The following TICAM2 variants were observed in gnomAD, a reference collection of about 807,000 sequenced individuals.
TICAM2 encodes the protein TIR domain containing adaptor molecule 2, also known as TIR domain-containing adapter molecule 2.
A neutral mutation model predicts 7.3 loss-of-function variants in TICAM2; 8 were observed. That is an observed-to-expected ratio of 1.10 (90% CI 0.65 to 1.99). The LOEUF (loss-of-function observed/expected upper bound fraction) is 1.99, where lower values mean the gene tolerates loss of function less well. Among genes scored for constraint, TICAM2 ranks in the 30% most tolerant of loss-of-function variants. The probability of loss-of-function intolerance (pLI) is 0.00; values close to 1 mark genes in which losing one functional copy is unlikely to be tolerated. For synonymous variants in TICAM2, 113 were observed against 99.6 expected, an observed-to-expected ratio of 1.13 and a Z score of -0.80; for missense variants, 304 against 278.8, an observed-to-expected ratio of 1.09 and a Z score of -0.65.
rs1233375877 is a variant in TICAM2, at chr5:115,593,230, T to TA, written c.-60+8866dup. Among the ~76,000 whole-genome samples, 17 of 152,320 alleles carry TA rather than the reference T, an allele frequency of 1.1e-4. No homozygotes were observed. The East Asian group carries it at 3.3e-3, about 29-fold the overall frequency. ...GATAAAATTCAACATCCATTCATTA[T>TA]AAAAACTCTTAGCAAACTGGAAATA... On this transcript the variant is annotated intron_variant, in intron 1 of 1. Coordinates refer to ENST00000427199, the MANE Select transcript of TICAM2 (RefSeq NM_021649.7).
rs1755802147 is a variant in TICAM2, at chr5:115,602,373, C to A, written c.-336G>T. 6.6e-6 allele frequency: 1 copy of A among 152,492 alleles called. No individual in the cohort carries two copies. The highest frequency in any genetic ancestry group is 6.5e-5 in the Admixed American group (1 of 15,290). 9.4% of individuals were successfully genotyped at this position (152,492 alleles called of 1,614,324 possible). Reference sequence around the variant, plus strand: ...CTGCTGTTGGCGCCCACCCCGCCGCCCCCGAGGGGCCGCTCGAGGCCGGAC... The same window carrying A: ...CTGCTGTTGGCGCCCACCCCGCCGCACCCGAGGGGCCGCTCGAGGCCGGAC... On this transcript the variant is annotated 5_prime_UTR_variant, in exon 1 of 2. Coordinates refer to ENST00000427199, the MANE Select transcript of TICAM2 (RefSeq NM_021649.7).
Position 115,602,378 on chromosome 5 carries a change from AG to A in TICAM2, c.-342del, listed in dbSNP as rs1053531007. ...GTTGGCGCCCACCCCGCCGCCCCCGAGGGGCCGCTCGAGGCCGGACTGCTGC... is the reference window on the plus strand; with the variant it reads ...GTTGGCGCCCACCCCGCCGCCCCCGAGGGCCGCTCGAGGCCGGACTGCTGC... On this transcript the variant is annotated 5_prime_UTR_variant, in exon 1 of 2. Coordinates refer to ENST00000427199, the MANE Select transcript of TICAM2 (RefSeq NM_021649.7). 4 of 152,260 alleles carry A rather than the reference AG, an allele frequency of 2.6e-5. No individual in the cohort carries two copies. The highest frequency in any genetic ancestry group is 9.7e-5 in the African/African-American group (4 of 41,380). The allele number at this position is 152,260 out of a possible 1,614,324, so 9.4% of individuals were successfully genotyped here. A position where few individuals can be genotyped will look rare whatever the true frequency, so the allele number is the denominator to read the frequency against.
At position 115,599,281 on chromosome 5, in the gene TICAM2, G is replaced by T. The variant is rs576315998; in HGVS notation, c.-60+2816C>A. Among the ~76,000 whole-genome samples the T allele has an allele frequency of 7.9e-5, 12 of 152,028 alleles. No homozygotes were observed. In the East Asian group the frequency reaches 2.1e-3, roughly 27 times the overall value. ...CCTATTTCCTATTGCCCCTATTGGT[G>T]GGGGGAGGGGGGCAAAGTAACTGCC... On this transcript the variant is annotated intron_variant, in intron 1 of 1. Coordinates refer to ENST00000427199, the MANE Select transcript of TICAM2 (RefSeq NM_021649.7).
chr5:115,590,043 T>A (rs1755244785), intron 1 of TICAM2, among the ~76,000 whole-genome samples: 1 of 152,216 alleles, frequency 6.6e-6, no homozygotes, highest in African/African-American at 2.4e-5. Flanking sequence ...TACTACATTT[T>A]TTAAATAATT....
rs1754839755 is a variant in TICAM2 at position 115,579,510 on chromosome 5, C to T, written c.*1039G>A. The stretch of plus-strand genomic sequence containing the variant: ...CAAGTGGACGATGCTCCCTCAATCT[C>T]AGATGGGCAGAAGGGCTGTGGAGGA... On this transcript the variant is annotated 3_prime_UTR_variant, in exon 2 of 2. Transcript: ENST00000427199. 2 of 152,232 alleles carry T rather than the reference C, an allele frequency of 1.3e-5. No individual in the cohort carries two copies. Among genetic ancestry groups the T allele is most frequent in the Admixed American group, 6.5e-5 (1 of 15,278 alleles). The allele number at this position is 152,232 out of a possible 1,614,324, so 9.4% of individuals were successfully genotyped here.
At position 115,579,648 on chromosome 5, in the gene TICAM2, C is replaced by G. The variant is rs937369867; in HGVS notation, c.*901G>C. ...CAAAGTCTTTATAAATAACCTATCACACACACACATGCACACAGTCAGGCT... is the reference window on the plus strand; with the variant it reads ...CAAAGTCTTTATAAATAACCTATCAGACACACACATGCACACAGTCAGGCT... On this transcript the variant is annotated 3_prime_UTR_variant, in exon 2 of 2. Coordinates refer to ENST00000427199, the MANE Select transcript of TICAM2 (RefSeq NM_021649.7). The G allele has an allele frequency of 6.6e-6, 1 of 152,090 alleles. No individual in the cohort carries two copies. The highest frequency in any genetic ancestry group is 1.5e-5 in the Non-Finnish European group (1 of 68,012). The allele number at this position is 152,090 out of a possible 1,614,324, so 9.4% of individuals were successfully genotyped here.
At chr5:115,585,279 T>C (rs1267029665) in intron 1 of TICAM2, among the ~76,000 whole-genome samples, 1 of 152,178 alleles carries the variant, frequency 6.6e-6, no homozygotes, top group Non-Finnish European at 1.5e-5. Context: ...GCTAAAACAT[T>C]TATACAACAA....
At chr5:115,582,324 TTTTTTTTTTTTTGG>T (rs1003149256) in intron 1 of TICAM2, among the ~76,000 whole-genome samples, 4 of 146,548 alleles carry the variant, frequency 2.7e-5, no homozygotes, top group Admixed American at 6.8e-5. Context: ...CCTGGCTAAT[TTTTTTTTTTTTTGG>T]TTTTTTTTTT....
intron 1 of TICAM2, among the ~76,000 whole-genome samples, chr5:115,588,921 G>A (rs894195376): frequency 6.6e-6 from 1 of 152,168 alleles, no homozygotes; most frequent in Non-Finnish European, 1.5e-5. Flanking sequence ...GGTGTTTCTA[G>A]AAACCCAACC....
At position 115,585,291 on chromosome 5, in the gene TICAM2, T is replaced by C. The variant is rs114751152; in HGVS notation, c.-59-3976A>G. On this transcript the variant is annotated intron_variant, in intron 1 of 1. Transcript: ENST00000427199. ...GAAGCTAAAACATTTATACAACAAATGTTTATATTTTAGGGTGGTGCTAGT... is the reference window on the plus strand; with the variant it reads ...GAAGCTAAAACATTTATACAACAAACGTTTATATTTTAGGGTGGTGCTAGT... Among the ~76,000 whole-genome samples, 1,310 of 152,288 alleles carry C rather than the reference T, an allele frequency of 8.6e-3. 11 individuals are homozygous for C. The highest frequency in any genetic ancestry group is 0.013 in the Non-Finnish European group (896 of 68,022).
At position 115,580,377 on chromosome 5, in the gene TICAM2, TACC is replaced by T; in HGVS notation, c.*169_*171del. On this transcript the variant is annotated 3_prime_UTR_variant, in exon 2 of 2. Coordinates refer to ENST00000427199, the MANE Select transcript of TICAM2 (RefSeq NM_021649.7). Reference sequence around the variant, plus strand: ...TCAAGTTTACTGAAACATCAAAAAGTACCACAATTTTATAGGCTGTCCTGCAGA... The same window carrying T: ...TCAAGTTTACTGAAACATCAAAAAGTACAATTTTATAGGCTGTCCTGCAGA... 2.3e-6 allele frequency: 2 copies of T among 852,062 alleles called. No individual in the cohort carries two copies. The highest frequency in any genetic ancestry group is 3.2e-6 in the Non-Finnish European group (2 of 623,228). 52.8% of individuals were successfully genotyped at this position (852,062 alleles called of 1,614,324 possible). A position where few individuals can be genotyped will look rare whatever the true frequency, so the allele number is the denominator to read the frequency against.
intron 1 of TICAM2, among the ~76,000 whole-genome samples, chr5:115,584,797 G>A (rs945600186): frequency 6.6e-6 from 1 of 152,066 alleles, no homozygotes. Flanking sequence ...AAGTTCTGAA[G>A]GGAAGATCAA....
At chr5:115,594,758 C>G (rs1755442628) in intron 1 of TICAM2, among the ~76,000 whole-genome samples, 2 of 152,146 alleles carry the variant, frequency 1.3e-5, no homozygotes, top group African/African-American at 4.8e-5. Flanking sequence ...AAATAGCAGG[C>G]AATTAGGAAT....
chr5:115,583,631 T>C (rs957553695), intron 1 of TICAM2, among the ~76,000 whole-genome samples: 2 of 152,142 alleles, frequency 1.3e-5, no homozygotes, highest in Non-Finnish European at 2.9e-5. Context: ...CTGTGGAAAG[T>C]TGTGCTGTTC....
chr5:115,590,724 T>C (rs419939), intron 1 of TICAM2, among the ~76,000 whole-genome samples: 48,238 of 152,124 alleles, frequency 0.32, 8,187 homozygotes, highest in African/African-American at 0.43. Context: ...GTCGTACTTA[T>C]TTAATATCTT....
chr5:115,589,822 C>A (rs955797983), intron 1 of TICAM2, among the ~76,000 whole-genome samples: 1 of 152,138 alleles, frequency 6.6e-6, no homozygotes, highest in African/African-American at 2.4e-5. Flanking sequence ...ATCACTATAT[C>A]CCCAGAGCCT....
rs1755248642 is a variant in TICAM2, at chr5:115,590,139, G to T, written c.-59-8824C>A. Among the ~76,000 whole-genome samples, 5 of 152,190 alleles carry T rather than the reference G, an allele frequency of 3.3e-5. 1 individual carries two copies. The South Asian group carries it at 1.0e-3, about 32-fold the overall frequency. ...GAGGTGGGAGGATCACTTATGGCCA[G>T]GAGTTTGAGACCAGCCTGGGCAACA... On this transcript the variant is annotated intron_variant, in intron 1 of 1. Transcript: ENST00000427199.
intron 1 of TICAM2, among the ~76,000 whole-genome samples, chr5:115,582,384 G>C (rs1022174615): frequency 6.7e-6 from 1 of 148,702 alleles, no homozygotes; most frequent in Admixed American, 6.7e-5. Flanking sequence ...TGTTGCCCAG[G>C]CTGGTCTCGA....
chr5:115,587,079 T>C (rs76699293), intron 1 of TICAM2, among the ~76,000 whole-genome samples: 1,714 of 152,214 alleles, frequency 0.011, 33 homozygotes, highest in African/African-American at 0.039. Flanking sequence ...CGGACATTTA[T>C]GGCTCAAGTC....
Sources: gnomAD v4.1 joint callset for allele counts (sites outside exome capture counted in the v4.1 genomes callset) on GRCh38, gnomAD v4.1.1 for gene constraint, MANE v1.5 for transcripts, NCBI Gene and HGNC (gene_info 2026-07-23, HGNC 2026-07-21) for gene names.